Variants in AGBL4 observed in about 807,000 individuals in gnomAD.
AGBL4 encodes AGBL carboxypeptidase 4, also known as cytosolic carboxypeptidase 6.
A neutral mutation model predicts 66.4 loss-of-function variants in AGBL4; 58 were observed. The ratio of observed to expected loss-of-function variants is 0.87; its 90% CI spans 0.71 to 1.09. The LOEUF is 1.09. Ranked by LOEUF, AGBL4 falls within the 50% of genes least tolerant of loss-of-function variation. AGBL4 has a pLI of 0.00. For synonymous variants in AGBL4, 234 were observed against 222.9 expected (o/e 1.05, Z -0.44); for missense variants, 579 against 631.0 (o/e 0.92, Z 0.88).
rs527660587 is a variant in AGBL4, at chr1:49,658,800, T to C, written c.282+38513A>G. Among the ~76,000 whole-genome samples, 5 of 151,840 alleles carry C rather than the reference T, an allele frequency of 3.3e-5. No individual in the cohort carries two copies. The South Asian group carries it at 8.3e-4, about 25-fold the overall frequency. On this transcript the variant is annotated intron_variant, in intron 3 of 13. Transcript: ENST00000371839. Reference sequence around the variant, plus strand: ...GCATGTTCTCACTCACAGGTGGGAATTGAACAGTGAGACCACTTGGACACA... The same window carrying C: ...GCATGTTCTCACTCACAGGTGGGAACTGAACAGTGAGACCACTTGGACACA...
chr1:49,932,041 C>T (rs1653416432), intron 1 of AGBL4, among the ~76,000 whole-genome samples: 1 of 152,058 alleles, frequency 6.6e-6, no homozygotes, highest in Non-Finnish European at 1.5e-5. Flanking sequence ...TAATGATCAA[C>T]TGGTAACTAT....
chr1:49,214,895 G>C (rs576231539), intron 4 of AGBL4, among the ~76,000 whole-genome samples: 2 of 152,102 alleles, frequency 1.3e-5, no homozygotes, highest in Admixed American at 1.3e-4. Context: ...GCAATTCTCA[G>C]TCTCTTTCTT....
intron 4 of AGBL4, among the ~76,000 whole-genome samples, chr1:49,097,705 G>A (rs1000548961): frequency 3.3e-5 from 5 of 152,154 alleles, no homozygotes; most frequent in Non-Finnish European, 5.9e-5. Context: ...CTCAGCCTCC[G>A]GAGTAGCTGG....
chr1:49,813,720 C>T (rs1030211085), intron 2 of AGBL4, among the ~76,000 whole-genome samples: 3 of 151,088 alleles, frequency 2.0e-5, no homozygotes, highest in South Asian at 4.2e-4. Flanking sequence ...ATTTATAATA[C>T]GAAAATAAAT....
intron 3 of AGBL4, among the ~76,000 whole-genome samples, chr1:49,577,815 A>G (rs1008876104): frequency 6.6e-6 from 1 of 152,214 alleles, no homozygotes; most frequent in African/African-American, 2.4e-5. Context: ...CACAATTACA[A>G]TGCCAACTAG....
At chr1:49,542,427 A>C (rs1356358898) in intron 3 of AGBL4, among the ~76,000 whole-genome samples, 1 of 152,042 alleles carries the variant, frequency 6.6e-6, no homozygotes, top group Non-Finnish European at 1.5e-5. Context: ...AACTCTCAAC[A>C]CATCCGAACA....
At chr1:49,845,001 G>A (rs528276388) in intron 2 of AGBL4, 40 of 1,439,504 alleles carry the variant, frequency 2.8e-5, no homozygotes, top group South Asian at 1.5e-4. Context: ...GCCCCCACAC[G>A]TGGGGAACAC....
chr1:48,912,184 C>T (rs1653186543), intron 5 of AGBL4, among the ~76,000 whole-genome samples: 1 of 152,104 alleles, frequency 6.6e-6, no homozygotes. Flanking sequence ...AGGGTAAACA[C>T]ACCTGACAGC....
intron 8 of AGBL4, among the ~76,000 whole-genome samples, chr1:48,650,297 T>C (rs1645906127): frequency 1.3e-5 from 2 of 152,152 alleles, no homozygotes; most frequent in African/African-American, 4.8e-5. Context: ...AGTCTGCACG[T>C]CCAGAGGGAG....
chr1:49,870,662 A>G (rs896264120), intron 1 of AGBL4, among the ~76,000 whole-genome samples: 35 of 152,014 alleles, frequency 2.3e-4, no homozygotes, highest in African/African-American at 8.0e-4. Context: ...AGCCAATTCA[A>G]AAAAAGGCAA....
intron 3 of AGBL4, among the ~76,000 whole-genome samples, chr1:49,563,651 G>A (rs1335434510): frequency 6.6e-6 from 1 of 152,150 alleles, no homozygotes; most frequent in Non-Finnish European, 1.5e-5. Context: ...GCATCCCAGG[G>A]ATGAAGCCCA....
intron 4 of AGBL4, among the ~76,000 whole-genome samples, chr1:49,208,558 A>C (rs1293315616): frequency 1.3e-5 from 2 of 152,068 alleles, no homozygotes; most frequent in Admixed American, 1.3e-4. Flanking sequence ...TTCTGTGGAC[A>C]CATGATGCCT....
chr1:49,451,662 A>G, intron 3 of AGBL4, among the ~76,000 whole-genome samples: 1 of 151,974 alleles, frequency 6.6e-6, no homozygotes, highest in East Asian at 1.9e-4. Context: ...TTGTTAAAAC[A>G]TGTGTAACCC....
intron 6 of AGBL4, among the ~76,000 whole-genome samples, chr1:48,728,904 T>C (rs919655554): frequency 2.0e-5 from 3 of 152,210 alleles, no homozygotes; most frequent in Non-Finnish European, 2.9e-5. Context: ...TGTGAAGTAG[T>C]GTCTCACTGC....
chr1:49,050,930 T>C (rs1644198025), intron 4 of AGBL4, among the ~76,000 whole-genome samples: 1 of 152,136 alleles, frequency 6.6e-6, no homozygotes, highest in African/African-American at 2.4e-5. Flanking sequence ...TCCTCTCTAC[T>C]TTCTGTTGAG....
intron 9 of AGBL4, among the ~76,000 whole-genome samples, chr1:48,616,416 A>ACCAGTAAG (rs1334283313): frequency 6.6e-6 from 1 of 152,202 alleles, no homozygotes; most frequent in Non-Finnish European, 1.5e-5. Flanking sequence ...AGGTTATACA[A>ACCAGTAAG]CCAGTAAGCA....
intron 3 of AGBL4, among the ~76,000 whole-genome samples, chr1:49,286,881 C>G (rs1468222178): frequency 6.6e-6 from 1 of 152,022 alleles, no homozygotes. Flanking sequence ...TCATATGGAA[C>G]CAAAAAAGAG....
intron 5 of AGBL4, among the ~76,000 whole-genome samples, chr1:48,892,303 G>A (rs117171879): frequency 6.6e-6 from 1 of 152,276 alleles, no homozygotes; most frequent in East Asian, 1.9e-4. Context: ...GGGCCAACCC[G>A]AATCCAGTGT....
intron 3 of AGBL4, among the ~76,000 whole-genome samples, chr1:49,324,118 G>A (rs997107750): frequency 1.3e-5 from 2 of 152,118 alleles, no homozygotes; most frequent in African/African-American, 2.4e-5. Context: ...TTTCTATATG[G>A]TCCAAACATC....
Sources: allele counts gnomAD v4.1 joint callset (sites outside exome capture counted in the v4.1 genomes callset), GRCh38; gene constraint gnomAD v4.1.1; transcripts MANE v1.5; gene names NCBI Gene and HGNC (gene_info 2026-07-23, HGNC 2026-07-21).